GRAMD1A: variants seen among roughly 807,000 people sequenced by gnomAD.
The protein encoded by GRAMD1A is GRAM domain containing 1A.
Under a neutral mutation model 92.0 loss-of-function variants are expected in GRAMD1A, and 50 were observed. The observed-to-expected ratio is 0.54, with a 90% CI of 0.43 to 0.69. The LOEUF is 0.69. GRAMD1A is among the 30% of genes least tolerant of loss of function. GRAMD1A has a pLI of 0.00. For synonymous variants in GRAMD1A, 405 were observed against 403.6 expected (o/e 1.00, Z -0.04); for missense variants, 819 against 978.9 (o/e 0.84, Z 2.18).
rs756850258 is a variant in GRAMD1A, at chr19:35,021,524, C to T, written c.1498C>T (p.Arg500Ter). The T allele has an allele frequency of 3.7e-6, 6 of 1,613,982 alleles. No homozygotes were observed. The highest frequency in any genetic ancestry group is 1.7e-5 in the Admixed American group (1 of 60,028). Residue 500 changes from arginine to a stop codon, truncating the protein, a stop_gained, in exon 14 of 20, where the codon CGA becomes TGA. Transcript: ENST00000317991. LOFTEE classifies it high-confidence loss of function. The surrounding 1 kb of genome is among the most constrained non-coding windows in gnomAD (Gnocchi z 5.3). ...CAGAGTGTCTTCTGAGATCCGCTAC[C>T]GAAAGCAGCCGTGGAGCCTGGTGAA... Reference protein sequence around the residue: ...RLRVSSEIRYRKQPWSLVKSL... With the variant: ...RLRVSSEIRY
chr19:34,997,550 A>G (rs2014092778), upstream of GRAMD1A, among the ~76,000 whole-genome samples: 4 of 152,230 alleles, frequency 2.6e-5, no homozygotes, highest in South Asian at 8.3e-4. Context: ...GAATAGAACA[A>G]GCAGCCACTG....
In GRAMD1A at chr19:35,000,397, A is replaced by G; in HGVS notation, c.-82A>G. Reference sequence around the variant, plus strand: ...AGGCCGGTGCCCTGCGGGGACGCCCAGCGCAGCCCAGCCCCGCGCAGCCCA... The same window carrying G: ...AGGCCGGTGCCCTGCGGGGACGCCCGGCGCAGCCCAGCCCCGCGCAGCCCA... On this transcript the variant is annotated 5_prime_UTR_variant, in exon 1 of 20. Transcript: ENST00000317991. This position sits in a 1 kb window ranked among gnomAD's most constrained non-coding sequence, Gnocchi z 4.9. 1 of 1,142,290 alleles carries G rather than the reference A, an allele frequency of 8.8e-7. No homozygotes were observed. The highest frequency in any genetic ancestry group is 1.1e-6 in the Non-Finnish European group (1 of 934,284). 70.8% of individuals were successfully genotyped at this position (1,142,290 alleles called of 1,614,324 possible).
chr19:35,010,221 AG>A (rs1301186215), intron 5 of GRAMD1A, 26 bp downstream of exon 5: 1 of 1,596,532 alleles, frequency 6.3e-7, no homozygotes. Flanking sequence ...GGCAGGGTAC[AG>A]GGGCGGGGGC....
At chr19:35,019,799 A>G (rs1341066255) in intron 13 of GRAMD1A, among the ~76,000 whole-genome samples, 1 of 152,222 alleles carries the variant, frequency 6.6e-6, no homozygotes, top group Non-Finnish European at 1.5e-5. Flanking sequence ...GGGAGCTCAT[A>G]TTCTAGTGGG....
upstream of GRAMD1A, chr19:34,996,125 C>G (rs986591973): frequency 1.3e-6 from 2 of 1,535,998 alleles, no homozygotes; most frequent in Admixed American, 3.9e-5. Flanking sequence ...GCAGCAGCCA[C>G]AGGGTGACAG....
At chr19:35,023,385 C>A in intron 18 of GRAMD1A, 42 bp downstream of exon 18, 1 of 1,613,102 alleles carries the variant, frequency 6.2e-7, no homozygotes, top group Non-Finnish European at 8.5e-7. Context: ...TTGGGCACAT[C>A]GGGGGAGGCC....
intron 19 of GRAMD1A, 95 bp from the exon 20 acceptor site, chr19:35,025,954 C>A: frequency 1.3e-6 from 1 of 748,250 alleles, no homozygotes; most frequent in Non-Finnish European, 2.4e-6. Context: ...GGCCTCTAGA[C>A]CGTCCTCAGT....
Position 35,023,407 on chromosome 19 carries a change from C to A in GRAMD1A, c.1962-20C>A. The A allele has an allele frequency of 6.2e-7, 1 of 1,602,056 alleles. No individual in the cohort carries two copies. The highest frequency in any genetic ancestry group is 8.5e-7 in the Non-Finnish European group (1 of 1,173,588). ...CATCGGGGGAGGCCAAGGCCCTGCT[C>A]AGGCCTGGCATCCCCACAGCAAGTT... On this transcript the variant is annotated intron_variant, in intron 18 of 19. Transcript: ENST00000317991.
intron 3 of GRAMD1A, 133 bp downstream of exon 3, chr19:35,009,576 A>C: frequency 2.2e-6 from 2 of 909,644 alleles, no homozygotes; most frequent in Non-Finnish European, 3.6e-6. Context: ...GTTCTATGCT[A>C]TTATTTATGT....
chr19:35,014,711 T>C (rs2015500150), intron 10 of GRAMD1A: 1 of 382,764 alleles, frequency 2.6e-6, no homozygotes, highest in Admixed American at 3.7e-5. Context: ...TAATACCCAC[T>C]TCATAGGATT....
chr19:35,023,636 T>C, intron 19 of GRAMD1A, 89 bp downstream of exon 19: 2 of 1,275,254 alleles, frequency 1.6e-6, no homozygotes, highest in Non-Finnish European at 2.1e-6. Context: ...ACTTCCCCTC[T>C]CCGGATCTCA....
chr19:35,026,090 C>A lies in GRAMD1A; in HGVS notation c.2124C>A (p.Val708=). The change falls in exon 20 of 20, where the codon GTC becomes GTA. Residue 708 remains valine, a synonymous_variant. Transcript: ENST00000317991. ...AGAAGCTGCACCAAGGCATCACAGT[C>A]TCAGACCCTCCCTTTGACACCCAGC... The part of the protein sequence containing the change: ...SLEKLHQGIT[V]SDPPFDTQPR... 6.2e-7 allele frequency: 1 copy of A among 1,607,842 alleles called. No homozygotes were observed. Among genetic ancestry groups the A allele is most frequent in the Non-Finnish European group, 8.5e-7 (1 of 1,174,300 alleles).
At position 35,021,359 on chromosome 19, in the gene GRAMD1A, G is replaced by T. The variant is rs1185017528; in HGVS notation, c.1476-143G>T. 3.0e-5 allele frequency: 20 copies of T among 656,898 alleles called. No homozygotes were observed. Among genetic ancestry groups the T allele is most frequent in the East Asian group, 5.5e-5 (2 of 36,612 alleles). 40.7% of individuals were successfully genotyped at this position (656,898 alleles called of 1,614,324 possible). Reference sequence around the variant, plus strand: ...TATGGGGTATCCAGGGAAGCCATGGGGGGTAGGGAACCCATCTGTTTTGTC... The same window carrying T: ...TATGGGGTATCCAGGGAAGCCATGGTGGGTAGGGAACCCATCTGTTTTGTC... On this transcript the variant is annotated intron_variant, in intron 13 of 19. Transcript: ENST00000317991. This position sits in a 1 kb window ranked among gnomAD's most constrained non-coding sequence, Gnocchi z 5.3.
At chr19:35,002,722 C>A (rs1012632690) in intron 1 of GRAMD1A, 2 of 152,362 alleles carry the variant, frequency 1.3e-5, no homozygotes, top group Non-Finnish European at 2.9e-5. Flanking sequence ...TAGAAGTAGC[C>A]TTTTCTCTGT....
Position 35,010,260 on chromosome 19 carries a change from T to A in GRAMD1A, c.430-24T>A, listed in dbSNP as rs769867743. 3.3e-5 allele frequency: 53 copies of A among 1,599,524 alleles called. No individual in the cohort carries two copies. The South Asian group carries it at 5.7e-4, about 17-fold the overall frequency. On this transcript the variant is annotated intron_variant, in intron 5 of 19. Transcript: ENST00000317991. ...CCATGGCCAGGCCCCACCCCGCTCC[T>A]ATTGACCCTCCTGCTGTCCTCAGAT...
intron 1 of GRAMD1A, among the ~76,000 whole-genome samples, chr19:35,005,058 G>A (rs923712261): frequency 1.3e-5 from 2 of 152,058 alleles, no homozygotes; most frequent in Admixed American, 6.5e-5. Context: ...CCAAGGAGTC[G>A]TGCACCTGCT....
upstream of GRAMD1A, among the ~76,000 whole-genome samples, chr19:34,995,570 G>GTTTTTCTTTTTTT (rs1173583059): frequency 8.6e-5 from 7 of 80,952 alleles, 2 homozygotes; most frequent in Non-Finnish European, 1.2e-4. Flanking sequence ...TCAGATCACG[G>GTTTTTCTTTTTTT]GTTTTTTTTT....
intron 9 of GRAMD1A, 100 bp from the exon 10 acceptor site, chr19:35,014,089 G>A (rs933742682): frequency 9.7e-6 from 11 of 1,131,806 alleles, no homozygotes; most frequent in African/African-American, 4.6e-5. Flanking sequence ...ACACCACCCC[G>A]GGTCTGCACA....
chr19:34,996,828 A>C (rs1037007257), upstream of GRAMD1A, among the ~76,000 whole-genome samples: 3 of 150,592 alleles, frequency 2.0e-5, no homozygotes, highest in Non-Finnish European at 4.4e-5. Flanking sequence ...AAAAGAGTGG[A>C]TGGGTGGAGA....
Sources: gnomAD v4.1 joint callset for allele counts (sites outside exome capture counted in the v4.1 genomes callset) on GRCh38, gnomAD v4.1.1 for gene constraint, Gnocchi (gnomAD v3.1) non-coding constraint, MANE v1.5 for transcripts, NCBI Gene and HGNC (gene_info 2026-07-23, HGNC 2026-07-21) for gene names.